Variants in HIVEP3 observed in about 807,000 individuals in gnomAD.
The protein encoded by HIVEP3 is transcription factor HIVEP3.
HIVEP3 carries 49 observed loss-of-function variants against 152.8 expected under a neutral mutation model. That is an observed-to-expected ratio of 0.32 (90% CI 0.26 to 0.41). HIVEP3 has a LOEUF of 0.41. Among genes scored for constraint, HIVEP3 ranks in the 10% least tolerant of loss-of-function variants. The pLI, the probability that HIVEP3 is intolerant of heterozygous loss-of-function variation, is 1.00. For synonymous variants in HIVEP3, 1,269 were observed against 1,289.0 expected, an observed-to-expected ratio of 0.98 and a Z score of 0.33; for missense variants, 2,790 against 3,103.3, an observed-to-expected ratio of 0.90 and a Z score of 2.40.
In HIVEP3 at chr1:41,510,523, G is replaced by T. The variant is rs1319639530; in HGVS notation, c.7149C>A (p.Pro2383=). The part of the protein sequence containing the change: ...SGEPRTRQDS[P]KPSGSGEPRA... ...TGGGCTCCCCACTTCCTGAGGGCTTGGGGGAGTCCTGCCTGGTCCTGGGTT... is the reference window on the plus strand; with the variant it reads ...TGGGCTCCCCACTTCCTGAGGGCTTTGGGGAGTCCTGCCTGGTCCTGGGTT... The change falls in exon 9 of 9, where the codon CCC becomes CCA. Residue 2383 remains proline, a synonymous_variant. Transcript: ENST00000372583. 3 of 1,593,928 alleles carry T rather than the reference G, an allele frequency of 1.9e-6. No homozygotes were observed. In the African/African-American group the frequency reaches 4.0e-5, roughly 21 times the overall value.
intron 1 of HIVEP3, among the ~76,000 whole-genome samples, chr1:42,002,767 A>G (rs114774821): frequency 0.016 from 2,460 of 152,204 alleles, 61 homozygotes; most frequent in African/African-American, 0.057. Flanking sequence ...ACATCCAGAC[A>G]TCATTCTGGC....
At chr1:41,939,307 A>T (rs1645034811) in intron 1 of HIVEP3, among the ~76,000 whole-genome samples, 1 of 152,168 alleles carries the variant, frequency 6.6e-6, no homozygotes, top group South Asian at 2.1e-4. Context: ...TTCATTTTTT[A>T]AAGAATGAAA....
chr1:41,761,669 A>G (rs892451372), intron 1 of HIVEP3, among the ~76,000 whole-genome samples: 1 of 152,022 alleles, frequency 6.6e-6, no homozygotes, highest in Admixed American at 6.5e-5. Flanking sequence ...ACACATGTGT[A>G]TACATAAGTG....
At chr1:41,531,126 GGGAGGACAGGAGAGAT>G (rs1203828173) in intron 5 of HIVEP3, among the ~76,000 whole-genome samples, 5 of 150,772 alleles carry the variant, frequency 3.3e-5, no homozygotes, top group Admixed American at 6.6e-5. Context: ...CAGGAGCAAA[GGGAGGACAGGAGAGAT>G]GGAGGACAGG....
intron 1 of HIVEP3, among the ~76,000 whole-genome samples, chr1:41,946,877 A>T (rs957368075): frequency 1.2e-4 from 19 of 152,164 alleles, no homozygotes; most frequent in Non-Finnish European, 2.1e-4. Context: ...CCCCTGCAAT[A>T]CTCCAATTTT....
chr1:41,587,218 C>T lies in HIVEP3; in HGVS notation c.-521-1900G>A, dbSNP rs533551481. On this transcript the variant is annotated intron_variant, in intron 3 of 8. Coordinates refer to ENST00000372583, the MANE Select transcript of HIVEP3 (RefSeq NM_024503.5). The stretch of plus-strand genomic sequence containing the variant: ...CCCCTCTGGTCATTGAATACAGTGA[C>T]GGATTCAATGACATCCCTCTAGTCA... Among the ~76,000 whole-genome samples, 34 of 152,246 alleles carry T rather than the reference C, an allele frequency of 2.2e-4. No individual in the cohort carries two copies. In the South Asian group the frequency reaches 5.2e-3, roughly 23 times the overall value.
At chr1:41,535,621 G>A (rs1344146683) in intron 5 of HIVEP3, 1 of 152,218 alleles carries the variant, frequency 6.6e-6, no homozygotes, top group East Asian at 1.9e-4. Context: ...AGGCTATGGG[G>A]AGGGGTATGG....
intron 5 of HIVEP3, among the ~76,000 whole-genome samples, chr1:41,538,963 C>T (rs1412547947): frequency 1.3e-5 from 2 of 152,120 alleles, no homozygotes; most frequent in African/African-American, 2.4e-5. Flanking sequence ...GCAGTGGGGC[C>T]CTGGGTCCTC....
intron 1 of HIVEP3, among the ~76,000 whole-genome samples, chr1:41,844,726 G>A (rs921626442): frequency 3.3e-5 from 5 of 152,180 alleles, no homozygotes; most frequent in Non-Finnish European, 5.9e-5. Flanking sequence ...AATGTTCCCC[G>A]CTTTTCCCCT....
At chr1:41,521,188 G>C (rs908521957) in intron 6 of HIVEP3, among the ~76,000 whole-genome samples, 1 of 152,176 alleles carries the variant, frequency 6.6e-6, no homozygotes, top group Non-Finnish European at 1.5e-5. Context: ...ACTTGATGAG[G>C]TGACACAAGT....
At position 41,510,267 on chromosome 1, in the gene HIVEP3, C is replaced by T. The variant is rs1403151820; in HGVS notation, c.*184G>A. 1 of 427,910 alleles carries T rather than the reference C, an allele frequency of 2.3e-6. No homozygotes were observed. Among genetic ancestry groups the T allele is most frequent in the Non-Finnish European group, 4.0e-6 (1 of 247,584 alleles). 26.5% of individuals were successfully genotyped at this position (427,910 alleles called of 1,614,324 possible). A position where few individuals can be genotyped will look rare whatever the true frequency, so the allele number is the denominator to read the frequency against. On this transcript the variant is annotated 3_prime_UTR_variant, in exon 9 of 9. Coordinates refer to ENST00000372583, the MANE Select transcript of HIVEP3 (RefSeq NM_024503.5). Reference sequence around the variant, plus strand: ...GTGATTTGTTTTGTTTCTTTTTAAGCAACAAAAGGTGTAGAAAAAGGCACA... The same window carrying T: ...GTGATTTGTTTTGTTTCTTTTTAAGTAACAAAAGGTGTAGAAAAAGGCACA...
intron 1 of HIVEP3, among the ~76,000 whole-genome samples, chr1:42,014,387 G>T (rs1211498589): frequency 1.3e-5 from 2 of 152,076 alleles, no homozygotes; most frequent in Admixed American, 1.3e-4. Flanking sequence ...AGGAGGGGGT[G>T]CAAAGCACAA....
chr1:42,032,153 G>A (rs527277977), intron 1 of HIVEP3, among the ~76,000 whole-genome samples: 6 of 152,224 alleles, frequency 3.9e-5, no homozygotes, highest in South Asian at 2.1e-4. Flanking sequence ...ATGCGCCCCC[G>A]GCCCAACTCC....
chr1:41,562,601 TTCTC>T (rs72509109), intron 5 of HIVEP3, among the ~76,000 whole-genome samples: 8,098 of 125,438 alleles, frequency 0.065, 433 homozygotes, highest in Middle Eastern at 0.18. Context: ...CTTCCTTTCT[TTCTC>T]TCTCTCTCTC....
At chr1:41,635,382 A>C (rs906812844) in intron 2 of HIVEP3, among the ~76,000 whole-genome samples, 1 of 152,010 alleles carries the variant, frequency 6.6e-6, no homozygotes, top group Non-Finnish European at 1.5e-5. Flanking sequence ...CACATAACCC[A>C]AGAAACTAAA....
chr1:41,802,647 C>T (rs1288243879), intron 1 of HIVEP3, among the ~76,000 whole-genome samples: 1 of 152,064 alleles, frequency 6.6e-6, no homozygotes, highest in African/African-American at 2.4e-5. Flanking sequence ...TGATTCTAGT[C>T]GACTTACTGT....
chr1:41,825,388 G>T (rs1055738449), intron 1 of HIVEP3, among the ~76,000 whole-genome samples: 1 of 151,894 alleles, frequency 6.6e-6, no homozygotes, highest in Admixed American at 6.6e-5. Context: ...ACCATGGTAG[G>T]GCCAGCTTAG....
chr1:41,572,091 C>A (rs149274023), intron 5 of HIVEP3, among the ~76,000 whole-genome samples: 1 of 152,136 alleles, frequency 6.6e-6, no homozygotes, highest in Admixed American at 6.5e-5. Context: ...CATCTGAGAT[C>A]TGGATGTGGA....
chr1:41,608,335 G>A (rs145426673), intron 3 of HIVEP3, among the ~76,000 whole-genome samples: 3 of 152,286 alleles, frequency 2.0e-5, no homozygotes, highest in African/African-American at 7.2e-5. Flanking sequence ...ACCCTGAGAC[G>A]GAGCTGCCAA....
Sources: allele counts gnomAD v4.1 joint callset (sites outside exome capture counted in the v4.1 genomes callset), GRCh38; gene constraint gnomAD v4.1.1; transcripts MANE v1.5; gene names NCBI Gene and HGNC (gene_info 2026-07-23, HGNC 2026-07-21).